The following IQCM variants were observed in gnomAD, a reference collection of about 807,000 sequenced individuals.
The protein encoded by IQCM is IQ domain-containing protein M.
A neutral mutation model predicts 57.6 loss-of-function variants in IQCM; 45 were observed. The observed-to-expected ratio is 0.78, with a 90% CI of 0.62 to 1.00. The LOEUF is 1.00. Among genes scored for constraint, IQCM ranks in the 50% least tolerant of loss-of-function variants. The probability of loss-of-function intolerance (pLI) is 0.00; values close to 1 mark genes in which losing one functional copy is unlikely to be tolerated. For synonymous variants in IQCM, 148 were observed against 158.9 expected (o/e 0.93, Z 0.51); for missense variants, 468 against 511.6 (o/e 0.91, Z 0.82).
At chr4:149,521,239 C>T (rs1745605213) in intron 12 of IQCM, among the ~76,000 whole-genome samples, 1 of 151,636 alleles carries the variant, frequency 6.6e-6, no homozygotes, top group African/African-American at 2.4e-5. Flanking sequence ...TTTCTTAGCC[C>T]CCATGCATTT....
chr4:149,450,200 A>C (rs543823174), intron 12 of IQCM, among the ~76,000 whole-genome samples: 16 of 151,898 alleles, frequency 1.1e-4, no homozygotes, highest in Non-Finnish European at 2.4e-4. Context: ...CTCTATACAA[A>C]AATCAAATCT....
At chr4:149,410,216 AC>A (rs1733279786) in intron 13 of IQCM, among the ~76,000 whole-genome samples, 2 of 151,410 alleles carry the variant, frequency 1.3e-5, no homozygotes, top group African/African-American at 2.4e-5. Context: ...CAAACAAAAA[AC>A]CCCACAGTTC....
chr4:149,631,625 C>T (rs1475792318), intron 7 of IQCM, among the ~76,000 whole-genome samples: 1 of 152,132 alleles, frequency 6.6e-6, no homozygotes, highest in Middle Eastern at 3.2e-3. Flanking sequence ...AACCAAAAGA[C>T]TTCACAAAAT....
At chr4:149,684,748 C>T (rs186933912) in intron 6 of IQCM, among the ~76,000 whole-genome samples, 204 of 151,492 alleles carry the variant, frequency 1.3e-3, no homozygotes, top group Non-Finnish European at 2.3e-3. Flanking sequence ...TTAGTCACCA[C>T]GTCCCAAAGC....
chr4:149,492,920 G>A (rs1742248196), intron 12 of IQCM, among the ~76,000 whole-genome samples: 1 of 152,146 alleles, frequency 6.6e-6, no homozygotes, highest in Admixed American at 6.6e-5. Flanking sequence ...GATCCTCCCA[G>A]TCAGGAAGTC....
chr4:149,766,598 A>G (rs1347908325), intron 2 of IQCM, among the ~76,000 whole-genome samples: 3 of 152,158 alleles, frequency 2.0e-5, no homozygotes, highest in Non-Finnish European at 4.4e-5. Flanking sequence ...GGTCTACCCA[A>G]TATAGAGATT....
Position 149,791,605 on chromosome 4 carries a change from G to A in IQCM, c.-49+23706C>T, listed in dbSNP as rs962096334. 6.6e-5 allele frequency among the ~76,000 whole-genome samples: 10 copies of A among 151,974 alleles called. No homozygotes were observed. The East Asian group carries it at 7.7e-4, about 12-fold the overall frequency. On this transcript the variant is annotated intron_variant, in intron 2 of 13. Coordinates refer to ENST00000636793, the MANE Select transcript of IQCM (RefSeq NM_001363507.2). ...CCTCCACTACCTTTTCCCAGCCTCC[G>A]GTAACTATCATTCTACTCTTACCTA... is the stretch of plus-strand genomic sequence containing the variant.
intron 13 of IQCM, among the ~76,000 whole-genome samples, chr4:149,410,060 T>C (rs1733265595): frequency 6.6e-6 from 1 of 152,156 alleles, no homozygotes; most frequent in African/African-American, 2.4e-5. Context: ...GGTGGGCAAC[T>C]GTAATCCAAG....
intron 12 of IQCM, among the ~76,000 whole-genome samples, chr4:149,497,398 C>A (rs1364284868): frequency 6.6e-6 from 1 of 152,176 alleles, no homozygotes; most frequent in Non-Finnish European, 1.5e-5. Flanking sequence ...AAAGACACAC[C>A]TGAGACTGGG....
At chr4:149,564,438 T>C (rs567606033) in intron 9 of IQCM, among the ~76,000 whole-genome samples, 2 of 152,222 alleles carry the variant, frequency 1.3e-5, no homozygotes, top group Admixed American at 6.5e-5. Context: ...GTGACTGTGG[T>C]AGTTAATAAT....
intron 12 of IQCM, among the ~76,000 whole-genome samples, chr4:149,498,932 T>G (rs1265598242): frequency 1.3e-5 from 2 of 152,154 alleles, no homozygotes; most frequent in African/African-American, 4.8e-5. Context: ...GATATTTGTC[T>G]GAGAAATTGT....
chr4:149,596,144 A>C (rs576825222), intron 8 of IQCM, among the ~76,000 whole-genome samples: 2 of 152,186 alleles, frequency 1.3e-5, no homozygotes, highest in Non-Finnish European at 2.9e-5. Flanking sequence ...GAAGAGAAGG[A>C]GGGAAATGGA....
intron 13 of IQCM, among the ~76,000 whole-genome samples, chr4:149,416,179 T>C (rs1377772240): frequency 6.6e-6 from 1 of 152,098 alleles, no homozygotes; most frequent in Non-Finnish European, 1.5e-5. Flanking sequence ...GGGATGAAGA[T>C]ACAGGAATCT....
At chr4:149,644,567 T>C (rs900157763) in intron 7 of IQCM, among the ~76,000 whole-genome samples, 1 of 152,216 alleles carries the variant, frequency 6.6e-6, no homozygotes, top group Non-Finnish European at 1.5e-5. Flanking sequence ...GCAATTTATA[T>C]ATCTATTGAA....
At chr4:149,468,002 A>G (rs528727236) in intron 12 of IQCM, among the ~76,000 whole-genome samples, 1 of 152,298 alleles carries the variant, frequency 6.6e-6, no homozygotes, top group African/African-American at 2.4e-5. Flanking sequence ...AGCAGTAAAT[A>G]TGGAAGATTG....
chr4:149,370,878 T>A (rs528699192), intron 13 of IQCM, among the ~76,000 whole-genome samples: 2 of 151,380 alleles, frequency 1.3e-5, no homozygotes, highest in South Asian at 4.3e-4. Flanking sequence ...ATTTTTATTT[T>A]GTTAATTCTT....
intron 8 of IQCM, among the ~76,000 whole-genome samples, chr4:149,595,691 C>G (rs1753710172): frequency 6.6e-6 from 1 of 152,052 alleles, no homozygotes; most frequent in South Asian, 2.1e-4. Flanking sequence ...CAGGAGGTAC[C>G]AAACACATCT....
chr4:149,640,845 C>T (rs1049522796), intron 7 of IQCM, among the ~76,000 whole-genome samples: 3 of 152,126 alleles, frequency 2.0e-5, no homozygotes, highest in Non-Finnish European at 2.9e-5. Flanking sequence ...GTCCACCTTT[C>T]AGCCAGGCGC....
intron 5 of IQCM, among the ~76,000 whole-genome samples, chr4:149,726,009 T>C (rs1765857621): frequency 2.0e-5 from 3 of 150,996 alleles, no homozygotes; most frequent in Admixed American, 6.6e-5. Context: ...CCTAGGGCTT[T>C]AGGCAAAGAC....
Sources: allele counts gnomAD v4.1 joint callset (sites outside exome capture counted in the v4.1 genomes callset), GRCh38; gene constraint gnomAD v4.1.1; transcripts MANE v1.5; gene names NCBI Gene and HGNC (gene_info 2026-07-23, HGNC 2026-07-21).